CEP290: variants seen among roughly 807,000 people sequenced by gnomAD.
CEP290 encodes the protein centrosomal protein 290.
CEP290 carries 317 observed loss-of-function variants against 344.9 expected under a neutral mutation model. The observed-to-expected ratio is 0.92, with a 90% CI of 0.84 to 1.01. The LOEUF (loss-of-function observed/expected upper bound fraction) is 1.01. CEP290 is among the 50% of genes least tolerant of loss of function. The probability of loss-of-function intolerance (pLI) is 0.00; values close to 1 mark genes in which losing one functional copy is unlikely to be tolerated. For synonymous variants in CEP290, 932 were observed against 895.8 expected (o/e 1.04, Z -0.72); for missense variants, 2,754 against 2,761.4 (o/e 1.00, Z 0.06).
chr12:88,082,852 C>T (rs1592828971), intron 37 of CEP290, among the ~76,000 whole-genome samples, 179 bp downstream of exon 37: 2 of 152,222 alleles, frequency 1.3e-5, no homozygotes, highest in Non-Finnish European at 2.9e-5. Context: ...TTCCTGAGGC[C>T]ATATCCTCTC....
At chr12:88,101,362 T>C (rs1467425843) in intron 26 of CEP290, among the ~76,000 whole-genome samples, 1 of 150,940 alleles carries the variant, frequency 6.6e-6, no homozygotes, top group Non-Finnish European at 1.5e-5. Flanking sequence ...GTGCCTGTGG[T>C]ACCAGCTACT....
chr12:88,072,075 T>C, intron 41 of CEP290, 149 bp from the exon 42 acceptor site: 1 of 748,330 alleles, frequency 1.3e-6, no homozygotes, highest in East Asian at 3.2e-5. Context: ...ACAGGTTGAG[T>C]ATCCCTTACG....
At chr12:88,049,845 AGTT>A (rs1287596340) in intron 53 of CEP290, 4 of 156,966 alleles carry the variant, frequency 2.5e-5, no homozygotes, top group African/African-American at 9.6e-5. Context: ...TTTTTTATAA[AGTT>A]ATTAATATGA....
intron 2 of CEP290, 33 bp downstream of exon 2, chr12:88,141,173 G>T (rs1304262479): frequency 7.2e-7 from 1 of 1,395,836 alleles, no homozygotes; most frequent in African/African-American, 1.5e-5. Flanking sequence ...ATAAGTTAAT[G>T]TATATATCTA....
At chr12:88,096,293 C>T (rs2037426867) in intron 27 of CEP290, among the ~76,000 whole-genome samples, 1 of 152,118 alleles carries the variant, frequency 6.6e-6, no homozygotes, top group East Asian at 1.9e-4. Flanking sequence ...AGGGGATCTG[C>T]TCTCCTCAGC....
At position 88,093,905 on chromosome 12, in the gene CEP290, T is replaced by A; in HGVS notation, c.3174A>T (p.Lys1058Asn). 6.2e-7 allele frequency: 1 copy of A among 1,612,830 alleles called. No homozygotes were observed. Among genetic ancestry groups the A allele is most frequent in the Non-Finnish European group, 8.5e-7 (1 of 1,179,372 alleles). The stretch of plus-strand genomic sequence containing the variant: ...ATTCCTTCATTTCCAGCATAGTTAT[T>A]TTTTTTGAAATGGAAACAATGTCAC... ...TNSDIVSISKKITMLEMKELN... is the reference protein window; with the variant it reads ...TNSDIVSISKNITMLEMKELN... Residue 1058 changes from lysine (K) to asparagine (N), a missense_variant, in exon 28 of 54, where the codon AAA becomes AAT. Transcript: ENST00000552810.
At position 88,077,697 on chromosome 12, in the gene CEP290, C is replaced by A; in HGVS notation, c.5586G>T (p.Gln1862His). 1 of 1,493,244 alleles carries A rather than the reference C, an allele frequency of 6.7e-7. No homozygotes were observed. The highest frequency in any genetic ancestry group is 1.3e-5 in the South Asian group (1 of 79,818). 92.5% of individuals were successfully genotyped at this position (1,493,244 alleles called of 1,614,324 possible). ...RQIKRLTSGL[Q>H]GKPLTDNKQS... ...TTATCAGAGTTAAATATAAAATTAC[C>A]TGTAATCCACTGGTTAGTCTTTTAA... The change falls in exon 40 of 54, where the codon CAG (glutamine) becomes CAT (histidine). Residue 1862 changes from glutamine to histidine, a missense_variant and splice_region_variant. By Grantham distance (24) the Gln-to-His change is conservative (BLOSUM62 0). Coordinates refer to ENST00000552810, the MANE Select transcript of CEP290 (RefSeq NM_025114.4).
Position 88,115,975 on chromosome 12 carries a change from G to A in CEP290, c.1825-793C>T. ...ATATCAGCATACTTTACTTGGGAAT[G>A]AACCTGTTCTTCTTCTAATGTTGCT... is the stretch of plus-strand genomic sequence containing the variant. On this transcript the variant is annotated intron_variant, in intron 18 of 53. Transcript: ENST00000552810. The A allele has an allele frequency of 6.1e-6, 6 of 984,636 alleles. No homozygotes were observed. In the South Asian group the frequency reaches 2.4e-4, roughly 39 times the overall value. The allele number at this position is 984,636 out of a possible 1,614,324, so 61.0% of individuals were successfully genotyped here.
intron 25 of CEP290, among the ~76,000 whole-genome samples, chr12:88,105,315 A>C (rs2038196731): frequency 6.6e-6 from 1 of 152,206 alleles, no homozygotes; most frequent in African/African-American, 2.4e-5. Flanking sequence ...AACACATGGA[A>C]TATTTAAAAA....
chr12:88,127,401 C>A (rs371425450), intron 11 of CEP290, among the ~76,000 whole-genome samples: 1 of 151,978 alleles, frequency 6.6e-6, no homozygotes. Flanking sequence ...GGCACAAGAA[C>A]CACCTGAACC....
At chr12:88,064,597 C>T (rs1482315246) in intron 44 of CEP290, among the ~76,000 whole-genome samples, 3 of 152,050 alleles carry the variant, frequency 2.0e-5, no homozygotes, top group African/African-American at 7.2e-5. Flanking sequence ...AAACCCTATT[C>T]GACTGTGACT....
chr12:88,080,345 T>G lies in CEP290; in HGVS notation c.5063A>C (p.Glu1688Ala). 1 of 1,613,716 alleles carries G rather than the reference T, an allele frequency of 6.2e-7. No individual in the cohort carries two copies. Among genetic ancestry groups the G allele is most frequent in the South Asian group, 1.1e-5 (1 of 90,954 alleles). ...DEVKKVKAEV[E>A]DLKYLLDQSQ... Reference sequence around the variant, plus strand: ...CTGGTCCAGAAGATACTTTAAATCCTCTACTTCCGCTTTTACTTTTTTCAC... The same window carrying G: ...CTGGTCCAGAAGATACTTTAAATCCGCTACTTCCGCTTTTACTTTTTTCAC... Residue 1688 changes from glutamate (E) to alanine (A), a missense_variant, in exon 38 of 54, where the codon GAG becomes GCG. By Grantham distance (107) the Glu-to-Ala change is moderately radical. Transcript: ENST00000552810.
At chr12:88,106,101 C>A (rs1333250824) in intron 25 of CEP290, among the ~76,000 whole-genome samples, 1 of 152,080 alleles carries the variant, frequency 6.6e-6, no homozygotes, top group East Asian at 1.9e-4. Flanking sequence ...AAACATGGAA[C>A]AACCAGATAC....
At chr12:88,106,241 A>C (rs2038267807) in intron 25 of CEP290, among the ~76,000 whole-genome samples, 1 of 152,220 alleles carries the variant, frequency 6.6e-6, no homozygotes, top group Admixed American at 6.5e-5. Context: ...GGAACAAGTA[A>C]AATGACACAC....
In CEP290 at chr12:88,083,868, A is replaced by C; in HGVS notation, c.4791T>G (p.Asn1597Lys). 1 of 1,584,226 alleles carries C rather than the reference A, an allele frequency of 6.3e-7. No individual in the cohort carries two copies. The highest frequency in any genetic ancestry group is 1.8e-5 in the Admixed American group (1 of 56,108). The change falls in exon 36 of 54, where the codon AAT becomes AAG. Residue 1597 changes from asparagine (N) to lysine (K), a missense_variant. Coordinates refer to ENST00000552810, the MANE Select transcript of CEP290 (RefSeq NM_025114.4). Reference sequence around the variant, plus strand: ...TTACCCAAGCCGTTTGTTTGAATTTATTTAGTGAACTATCAGCCTGTAGTT... The same window carrying C: ...TTACCCAAGCCGTTTGTTTGAATTTCTTTAGTGAACTATCAGCCTGTAGTT... Reference protein sequence around the residue: ...RLELQADSSLNKFKQTAWDLM... With the variant: ...RLELQADSSLKKFKQTAWDLM...
chr12:88,056,212 G>A (rs911972094), intron 49 of CEP290, among the ~76,000 whole-genome samples: 36 of 151,600 alleles, frequency 2.4e-4, no homozygotes, highest in Admixed American at 2.2e-3. Context: ...GATAAAGCTT[G>A]TAAAAATCTG....
intron 6 of CEP290, among the ~76,000 whole-genome samples, chr12:88,131,780 C>G (rs574761174): frequency 2.6e-5 from 4 of 152,010 alleles, no homozygotes; most frequent in Admixed American, 2.6e-4. Context: ...CCAAAGAATA[C>G]AGAAACAAAT....
At chr12:88,095,117 G>A (rs1185701631) in intron 27 of CEP290, among the ~76,000 whole-genome samples, 1 of 152,032 alleles carries the variant, frequency 6.6e-6, no homozygotes, top group Non-Finnish European at 1.5e-5. Context: ...GTAACCTTAG[G>A]CACCATGTAG....
intron 41 of CEP290, among the ~76,000 whole-genome samples, chr12:88,076,913 T>C (rs2035820543): frequency 1.3e-5 from 2 of 152,004 alleles, no homozygotes; most frequent in African/African-American, 4.8e-5. Context: ...TGATACACAG[T>C]TGAATATGTT....
Sources: gnomAD v4.1 joint callset for allele counts (sites outside exome capture counted in the v4.1 genomes callset) on GRCh38, gnomAD v4.1.1 for gene constraint, MANE v1.5 for transcripts, NCBI Gene and HGNC (gene_info 2026-07-23, HGNC 2026-07-21) for gene names.